The following ZNF654 variants were observed in gnomAD, a reference collection of about 807,000 sequenced individuals.
ZNF654 encodes the protein melanoma-associated antigen.
A neutral mutation model predicts 95.3 loss-of-function variants in ZNF654; 19 were observed. The observed-to-expected ratio is 0.20, with a 90% CI of 0.14 to 0.29. The LOEUF (loss-of-function observed/expected upper bound fraction) is 0.29. Among genes scored for constraint, ZNF654 ranks in the 10% least tolerant of loss-of-function variants. ZNF654 has a pLI of 1.00. For synonymous variants in ZNF654, 413 were observed against 457.9 expected (o/e 0.90, Z 1.25); for missense variants, 1,046 against 1,341.0 (o/e 0.78, Z 3.44).
At chr3:88,137,105 G>GA (rs1706835416) in intron 7 of ZNF654, among the ~76,000 whole-genome samples, 1 of 137,676 alleles carries the variant, frequency 7.3e-6, no homozygotes, top group South Asian at 2.3e-4. Flanking sequence ...TGAGGCAGGA[G>GA]AATTGCTTGA....
At chr3:88,069,267 C>G (rs1378491483) in intron 1 of ZNF654, among the ~76,000 whole-genome samples, 1 of 152,058 alleles carries the variant, frequency 6.6e-6, no homozygotes, top group Non-Finnish European at 1.5e-5. Context: ...ACTAAAAATA[C>G]AAAAATTAGT....
Position 88,144,415 on chromosome 3 carries a change from C to T in ZNF654, c.*2763C>T, listed in dbSNP as rs1300585556. The T allele has an allele frequency of 6.6e-6, 1 of 152,220 alleles. No individual in the cohort carries two copies. The highest frequency in any genetic ancestry group is 2.4e-5 in the African/African-American group (1 of 41,374). 9.4% of individuals were successfully genotyped at this position (152,220 alleles called of 1,614,324 possible). On this transcript the variant is annotated 3_prime_UTR_variant, in exon 9 of 9. Transcript: ENST00000636215. Reference sequence around the variant, plus strand: ...TAATTTATTTGGTACTGTAAAACACCTTTTCAGAATGAGTAAATGCTGCAT... The same window carrying T: ...TAATTTATTTGGTACTGTAAAACACTTTTTCAGAATGAGTAAATGCTGCAT...
In ZNF654 at chr3:88,077,129, C is replaced by T. The variant is rs142308750; in HGVS notation, c.187-9128C>T. ...TAGAGGAAAAGAGAAAATGTTTGCCCCAAACTTACCATGTCCAGAATTTGG... is the reference window on the plus strand; with the variant it reads ...TAGAGGAAAAGAGAAAATGTTTGCCTCAAACTTACCATGTCCAGAATTTGG... On this transcript the variant is annotated intron_variant, in intron 1 of 8. Transcript: ENST00000636215. Among the ~76,000 whole-genome samples, 376 of 151,980 alleles carry T rather than the reference C, an allele frequency of 2.5e-3. 3 individuals carry two copies. Among genetic ancestry groups the T allele is most frequent in the African/African-American group, 8.2e-3 (341 of 41,448 alleles).
intron 1 of ZNF654, among the ~76,000 whole-genome samples, chr3:88,059,902 C>G (rs1278662861): frequency 6.6e-6 from 1 of 152,048 alleles, no homozygotes. Flanking sequence ...TCTGCCTTCC[C>G]CTCTCCGCCG....
chr3:88,141,908 CA>C lies in ZNF654; in HGVS notation c.*257del. The C allele has an allele frequency of 2.9e-6, 1 of 339,610 alleles. No homozygotes were observed. Among genetic ancestry groups the C allele is most frequent in the Non-Finnish European group, 5.4e-6 (1 of 186,894 alleles). 21.0% of individuals were successfully genotyped at this position (339,610 alleles called of 1,614,324 possible). ...TTTTACAGTTTATGATGATTAATAG[CA>C]GCAGCATGTTCAGTTTCGCTTATAT... On this transcript the variant is annotated 3_prime_UTR_variant, in exon 9 of 9. Transcript: ENST00000636215.
At chr3:88,070,986 G>C (rs1035514706) in intron 1 of ZNF654, among the ~76,000 whole-genome samples, 2 of 152,048 alleles carry the variant, frequency 1.3e-5, no homozygotes, top group African/African-American at 4.8e-5. Flanking sequence ...ATCAAGCTGA[G>C]GGAAAGATAT....
chr3:88,139,163 G>A lies in ZNF654; in HGVS notation c.1494G>A (p.Gly498=), dbSNP rs1295437605. Residue 498 remains glycine (G), a synonymous_variant, in exon 8 of 9, where the codon GGG becomes GGA. Transcript: ENST00000636215. ...RTEEQQGLDE[G]FDSLTDQSTG... is the part of the protein sequence containing the mutation. Reference sequence around the variant, plus strand: ...AGGAACAGCAAGGTTTGGATGAAGGGTTTGACTCTCTTACAGATCAGAGCA... The same window carrying A: ...AGGAACAGCAAGGTTTGGATGAAGGATTTGACTCTCTTACAGATCAGAGCA... 6 of 1,350,414 alleles carry A rather than the reference G, an allele frequency of 4.4e-6. No individual in the cohort carries two copies. The highest frequency in any genetic ancestry group is 1.5e-5 in the African/African-American group (1 of 66,328). 83.7% of individuals were successfully genotyped at this position (1,350,414 alleles called of 1,614,324 possible).
chr3:88,129,986 T>C (rs979699721), intron 6 of ZNF654, among the ~76,000 whole-genome samples, 160 bp downstream of exon 6: 15 of 152,190 alleles, frequency 9.9e-5, no homozygotes, highest in Admixed American at 8.5e-4. Context: ...AACTAGAGAC[T>C]TTAAAAAGAA....
At chr3:88,138,611 C>T in intron 7 of ZNF654, 94 bp from the exon 8 acceptor site, 1 of 714,792 alleles carries the variant, frequency 1.4e-6, no homozygotes, top group Non-Finnish European at 1.9e-6. Context: ...GTTTATTCAG[C>T]TTTCATTTTA....
chr3:88,095,629 C>G, intron 2 of ZNF654: 5 of 512,548 alleles, frequency 9.8e-6, no homozygotes, highest in South Asian at 4.3e-5. Flanking sequence ...AGTCTTATCT[C>G]GAAGCCCCAA....
At chr3:88,109,004 G>T (rs187120177) in intron 2 of ZNF654, among the ~76,000 whole-genome samples, 9 of 152,184 alleles carry the variant, frequency 5.9e-5, no homozygotes, top group Admixed American at 5.9e-4. Context: ...TGGAAAAGGC[G>T]TTACATTTGT....
At chr3:88,114,576 T>C (rs4858998) in intron 3 of ZNF654, among the ~76,000 whole-genome samples, 112,946 of 152,066 alleles carry the variant, frequency 0.74, 44,036 homozygotes, top group South Asian at 0.91. Flanking sequence ...ATATACTACC[T>C]GCCTCCCCCA....
intron 1 of ZNF654, among the ~76,000 whole-genome samples, chr3:88,080,029 C>CT (rs1018225921): frequency 1.9e-4 from 28 of 151,016 alleles, no homozygotes; most frequent in East Asian, 3.9e-4. Context: ...ACAAGTGACT[C>CT]TTTTTTTTTC....
chr3:88,059,307 C>A lies in ZNF654; in HGVS notation c.-13C>A, dbSNP rs1368979443. ...GGCGCAGGGGCTGGTACGCGCTGGG[C>A]GGCGAGAGCCTCATGGCGGAGGAAG... On this transcript the variant is annotated 5_prime_UTR_variant, in exon 1 of 9. Coordinates refer to ENST00000636215, the MANE Select transcript of ZNF654 (RefSeq NM_001350134.2). 1 of 1,532,600 alleles carries A rather than the reference C, an allele frequency of 6.5e-7. No homozygotes were observed. Among genetic ancestry groups the A allele is most frequent in the Non-Finnish European group, 8.7e-7 (1 of 1,146,356 alleles). The allele number at this position is 1,532,600 out of a possible 1,614,324, so 94.9% of individuals were successfully genotyped here. A position where few individuals can be genotyped will look rare whatever the true frequency, so the allele number is the denominator to read the frequency against.
chr3:88,108,097 T>A (rs1439182758), intron 2 of ZNF654, among the ~76,000 whole-genome samples: 1 of 152,152 alleles, frequency 6.6e-6, no homozygotes, highest in Non-Finnish European at 1.5e-5. Context: ...CCTGGAGATA[T>A]TACTAGCTTG....
chr3:88,071,612 GGTGA>G (rs1707516311), intron 1 of ZNF654, among the ~76,000 whole-genome samples: 2 of 150,724 alleles, frequency 1.3e-5, no homozygotes, highest in Non-Finnish European at 2.9e-5. Flanking sequence ...CTCCAGCCTG[GGTGA>G]CAGAGCGAGA....
chr3:88,100,298 A>G (rs920430727), intron 2 of ZNF654, among the ~76,000 whole-genome samples: 8 of 152,166 alleles, frequency 5.3e-5, no homozygotes, highest in South Asian at 2.1e-4. Context: ...AGTTAGAATG[A>G]CAATCATTAA....
In ZNF654 at chr3:88,139,322, CAAGG is replaced by C; in HGVS notation, c.1656_1659del (p.Lys552AsnfsTer3). ...CAAGGCATCGTTGTATGTTATGTAACAAGGAATTTTTAGGTGGTCACATTGTAAG... is the reference window on the plus strand; with the variant it reads ...CAAGGCATCGTTGTATGTTATGTAACAATTTTTAGGTGGTCACATTGTAAG... On this transcript the variant is annotated frameshift_variant, in exon 8 of 9. Transcript: ENST00000636215. LOFTEE classifies it high-confidence loss of function. 6.2e-7 allele frequency: 1 copy of C among 1,602,808 alleles called. No individual in the cohort carries two copies. The highest frequency in any genetic ancestry group is 8.5e-7 in the Non-Finnish European group (1 of 1,175,932).
intron 2 of ZNF654, chr3:88,095,702 G>T (rs1576263448): frequency 2.5e-5 from 10 of 401,438 alleles, no homozygotes; most frequent in South Asian, 1.6e-4. Context: ...TGAGAAATTG[G>T]ATTTCTTTGC....
Sources: allele counts gnomAD v4.1 joint callset (sites outside exome capture counted in the v4.1 genomes callset), GRCh38; gene constraint gnomAD v4.1.1; transcripts MANE v1.5; gene names NCBI Gene and HGNC (gene_info 2026-07-23, HGNC 2026-07-21).